Variants in ERCC6 observed in about 807,000 individuals in gnomAD.
The protein encoded by ERCC6 is DNA excision repair protein ERCC-6.
ERCC6 carries 116 observed loss-of-function variants against 158.7 expected under a neutral mutation model. That is an observed-to-expected ratio of 0.73 (90% CI 0.63 to 0.85). The LOEUF (loss-of-function observed/expected upper bound fraction) is 0.85. Among genes scored for constraint, ERCC6 ranks in the 40% least tolerant of loss-of-function variants. ERCC6 has a pLI of 0.00. For synonymous variants in ERCC6, 678 were observed against 659.3 expected (o/e 1.03, Z -0.43); for missense variants, 1,698 against 1,799.4 (o/e 0.94, Z 1.02).
At chr10:49,496,334 T>C (rs1851266274) in intron 7 of ERCC6, among the ~76,000 whole-genome samples, 1 of 152,226 alleles carries the variant, frequency 6.6e-6, no homozygotes, top group Non-Finnish European at 1.5e-5. Context: ...CTTCTTCAAA[T>C]GATCTCAATG....
chr10:49,493,041 T>G, intron 8 of ERCC6, 76 bp downstream of exon 8: 2 of 1,459,230 alleles, frequency 1.4e-6, no homozygotes, highest in Non-Finnish European at 1.9e-6. Flanking sequence ...GAGAAACACA[T>G]GGATCAGAGA....
rs531831972 is a variant in ERCC6 at position 49,456,862 on chromosome 10, T to C, written c.*1953A>G. ...AGGCACGGTAACAATGTGTCAGATC[T>C]CCACACTGAGACACCACCTTCCCAA... is the stretch of plus-strand genomic sequence containing the variant. On this transcript the variant is annotated 3_prime_UTR_variant, in exon 21 of 21. Coordinates refer to ENST00000355832, the MANE Select transcript of ERCC6 (RefSeq NM_000124.4). The C allele has an allele frequency of 2.6e-4, 40 of 152,152 alleles. No individual in the cohort carries two copies. Among genetic ancestry groups the C allele is most frequent in the Admixed American group, 1.8e-3 (28 of 15,270 alleles). 9.4% of individuals were successfully genotyped at this position (152,152 alleles called of 1,614,324 possible). A position where few individuals can be genotyped will look rare whatever the true frequency, so the allele number is the denominator to read the frequency against.
At chr10:49,495,417 T>C (rs183083814) in intron 7 of ERCC6, among the ~76,000 whole-genome samples, 6 of 152,242 alleles carry the variant, frequency 3.9e-5, no homozygotes, top group Non-Finnish European at 8.8e-5. Context: ...ACAAAGATGT[T>C]GACTGTGTGA....
chr10:49,499,280 T>C (rs747010028), intron 7 of ERCC6, among the ~76,000 whole-genome samples: 1 of 152,220 alleles, frequency 6.6e-6, no homozygotes, highest in Non-Finnish European at 1.5e-5. Context: ...TAAATGCAAC[T>C]GGCGTTCTAA....
chr10:49,481,539 C>A lies in ERCC6; in HGVS notation c.2169+1148G>T, dbSNP rs4253169. 1.2e-3 allele frequency among the ~76,000 whole-genome samples: 182 copies of A among 152,310 alleles called. 5 individuals are homozygous for A. The East Asian group carries it at 0.034, about 28-fold the overall frequency. On this transcript the variant is annotated intron_variant, in intron 10 of 20. Coordinates refer to ENST00000355832, the MANE Select transcript of ERCC6 (RefSeq NM_000124.4). ...CTTCCCTTTTGGTGGAAGGTCTCAT[C>A]CCTGGCTCAGCCATGACCTGGTAGG...
chr10:49,486,578 C>T (rs1309320464), intron 8 of ERCC6, among the ~76,000 whole-genome samples: 1 of 152,094 alleles, frequency 6.6e-6, no homozygotes, highest in Non-Finnish European at 1.5e-5. Flanking sequence ...GTCAAAGGAA[C>T]ACAATTACAG....
rs914510094 is a variant in ERCC6 at position 49,478,337 on chromosome 10, C to G, written c.2286+17G>C. 4.0e-6 allele frequency: 6 copies of G among 1,496,736 alleles called. No homozygotes were observed. The highest frequency in any genetic ancestry group is 4.7e-6 in the Non-Finnish European group (5 of 1,073,212). The allele number at this position is 1,496,736 out of a possible 1,614,324, so 92.7% of individuals were successfully genotyped here. On this transcript the variant is annotated intron_variant, in intron 11 of 20. Coordinates refer to ENST00000355832, the MANE Select transcript of ERCC6 (RefSeq NM_000124.4). Reference sequence around the variant, plus strand: ...TTGTGCTTTAGGAATGCTTCGTTAACTCCTGGATTTACAGACCTGTTCATT... The same window carrying G: ...TTGTGCTTTAGGAATGCTTCGTTAAGTCCTGGATTTACAGACCTGTTCATT...
At chr10:49,519,896 C>T (rs1165768687) in intron 5 of ERCC6, among the ~76,000 whole-genome samples, 3 of 152,186 alleles carry the variant, frequency 2.0e-5, no homozygotes, top group Admixed American at 6.5e-5. Flanking sequence ...TCCCACTCTG[C>T]ACCTGCTGCC....
At chr10:49,463,432 G>T (rs1226338614) in intron 18 of ERCC6, among the ~76,000 whole-genome samples, 2 of 152,120 alleles carry the variant, frequency 1.3e-5, no homozygotes, top group Non-Finnish European at 2.9e-5. Flanking sequence ...AATTGCTAAA[G>T]GAGGAATAGC....
At chr10:49,516,008 A>G (rs2132598907) in intron 5 of ERCC6, 1 of 1,614,188 alleles carries the variant, frequency 6.2e-7, no homozygotes, top group Non-Finnish European at 8.5e-7. Flanking sequence ...CTGTTGCCTG[A>G]TGTCCCATTG....
chr10:49,435,298 G>A, the ERCC6 span, among the ~76,000 whole-genome samples: 1 of 152,208 alleles, frequency 6.6e-6, no homozygotes, highest in Non-Finnish European at 1.5e-5. Flanking sequence ...GTAATTGATA[G>A]ATTAAGCAGG....
intron 14 of ERCC6, 118 bp downstream of exon 14, chr10:49,473,359 C>A (rs764464618): frequency 1.9e-4 from 158 of 821,838 alleles, no homozygotes; most frequent in Non-Finnish European, 3.0e-4. Flanking sequence ...TCCCCTTAGG[C>A]CCCCTCCCAA....
In ERCC6 at chr10:49,476,230, G is replaced by C; in HGVS notation, c.2367C>G (p.Leu789=). 1.2e-6 allele frequency: 2 copies of C among 1,612,358 alleles called. No homozygotes were observed. Among genetic ancestry groups the C allele is most frequent in the African/African-American group, 1.3e-5 (1 of 74,938 alleles). The part of the protein sequence containing the change: ...FVDSKEVYRI[L]NGEMQIFSGL... ...TTTAGCTGACCTGCATCTCTCCATTGAGAATCCTGTAAACTTCTTTGGAAT... is the reference window on the plus strand; with the variant it reads ...TTTAGCTGACCTGCATCTCTCCATTCAGAATCCTGTAAACTTCTTTGGAAT... Residue 789 remains leucine (L), a synonymous_variant, in exon 12 of 21, where the codon CTC becomes CTG. Coordinates refer to ENST00000355832, the MANE Select transcript of ERCC6 (RefSeq NM_000124.4).
chr10:49,529,099 T>C (rs1837409576), intron 3 of ERCC6, among the ~76,000 whole-genome samples: 1 of 152,238 alleles, frequency 6.6e-6, no homozygotes, highest in Non-Finnish European at 1.5e-5. Flanking sequence ...GACTCCTCTT[T>C]GTCTTGTTCC....
intron 7 of ERCC6, among the ~76,000 whole-genome samples, chr10:49,499,995 G>C (rs535327000): frequency 6.6e-6 from 1 of 152,208 alleles, no homozygotes; most frequent in East Asian, 1.9e-4. Context: ...ACAAGAGAGA[G>C]AGCAAGCTAT....
At chr10:49,515,879 T>C in intron 5 of ERCC6, 2 of 1,614,180 alleles carry the variant, frequency 1.2e-6, no homozygotes, top group Non-Finnish European at 8.5e-7. Flanking sequence ...TATCATTCCA[T>C]CTGCAGACAA....
chr10:49,505,665 G>C, intron 6 of ERCC6: 1 of 584,494 alleles, frequency 1.7e-6, no homozygotes, highest in South Asian at 2.1e-5. Context: ...AGATTCATCA[G>C]TTTACAAACA....
intron 3 of ERCC6, among the ~76,000 whole-genome samples, chr10:49,530,008 A>G (rs1021357416): frequency 6.6e-6 from 1 of 152,120 alleles, no homozygotes; most frequent in Non-Finnish European, 1.5e-5. Flanking sequence ...GGTGGGAGGA[A>G]GGGCCAAGCT....
rs554591809 is a variant in ERCC6, at chr10:49,484,859, T to A, written c.1822-1343A>T. ...GACTACCTGCATCAGACATCTTTTC[T>A]GCAACACTAAAAATGTCCGAAGGCA... is the stretch of plus-strand genomic sequence containing the variant. On this transcript the variant is annotated intron_variant, in intron 8 of 20. Transcript: ENST00000355832. Among the ~76,000 whole-genome samples the A allele has an allele frequency of 2.0e-5, 3 of 152,356 alleles. No individual in the cohort carries two copies. In the East Asian group the frequency reaches 5.8e-4, roughly 29 times the overall value.
Sources: allele counts gnomAD v4.1 joint callset (sites outside exome capture counted in the v4.1 genomes callset), GRCh38; gene constraint gnomAD v4.1.1; transcripts MANE v1.5; gene names NCBI Gene and HGNC (gene_info 2026-07-23, HGNC 2026-07-21).